Variants in TENM2 observed in about 807,000 individuals in gnomAD.
TENM2 encodes teneurin transmembrane protein 2.
In TENM2, 52 loss-of-function variants were observed where a neutral mutation model predicts 245.2. The observed-to-expected ratio is 0.21, with a 90% confidence interval of 0.17 to 0.27. TENM2 has a LOEUF of 0.27. TENM2 is among the 10% of genes least tolerant of loss of function. The pLI is 1.00. For missense variants in TENM2, 3,046 were observed against 3,666.8 expected (o/e 0.83, Z 4.37); for synonymous variants, 1,363 against 1,438.9 (o/e 0.95, Z 1.19).
chr5:167,635,631 G>GTTTTT (rs1561623173), intron 2 of TENM2, among the ~76,000 whole-genome samples: 4 of 90,972 alleles, frequency 4.4e-5, no homozygotes, highest in East Asian at 1.2e-3. Flanking sequence ...GATCAGTACA[G>GTTTTT]TCTTTTTTTT....
chr5:167,874,237 G>C (rs1166745359), intron 2 of TENM2, among the ~76,000 whole-genome samples: 2 of 152,146 alleles, frequency 1.3e-5, no homozygotes, highest in African/African-American at 2.4e-5. Flanking sequence ...ACATTTACCT[G>C]TCTGTCTCCC....
chr5:167,165,626 G>A, the TENM2 span, among the ~76,000 whole-genome samples: 2 of 152,032 alleles, frequency 1.3e-5, no homozygotes, highest in African/African-American at 4.8e-5. Context: ...ATCTTATTCT[G>A]ACCATAAAAG....
intron 3 of TENM2, among the ~76,000 whole-genome samples, chr5:167,906,759 C>T (rs1371898998): frequency 3.3e-5 from 5 of 152,106 alleles, no homozygotes; most frequent in African/African-American, 1.2e-4. Context: ...TTGTTTCTTA[C>T]TTCTCTTTTT....
At chr5:167,679,616 G>A (rs1756565688) in intron 2 of TENM2, among the ~76,000 whole-genome samples, 1 of 152,038 alleles carries the variant, frequency 6.6e-6, no homozygotes, top group Non-Finnish European at 1.5e-5. Flanking sequence ...TTTTAAAAAG[G>A]TAATTTAATA....
At chr5:168,223,745 G>A (rs767922807) in intron 23 of TENM2, among the ~76,000 whole-genome samples, 4 of 152,012 alleles carry the variant, frequency 2.6e-5, no homozygotes, top group Non-Finnish European at 4.4e-5. Flanking sequence ...GATTGATTAC[G>A]GGCACAAGCC....
chr5:167,799,729 G>A (rs1330192076), intron 2 of TENM2, among the ~76,000 whole-genome samples: 1 of 152,178 alleles, frequency 6.6e-6, no homozygotes, highest in Non-Finnish European at 1.5e-5. Flanking sequence ...AGAGTGGTAA[G>A]TTAGGTCTAA....
At chr5:168,009,493 C>G (rs972464161) in intron 5 of TENM2, among the ~76,000 whole-genome samples, 8 of 152,138 alleles carry the variant, frequency 5.3e-5, no homozygotes, top group African/African-American at 1.9e-4. Flanking sequence ...GGGAATGTGC[C>G]TTTGCCCTCC....
At chr5:167,341,584 T>C (rs1019828078) in intron 1 of TENM2, among the ~76,000 whole-genome samples, 1 of 152,178 alleles carries the variant, frequency 6.6e-6, no homozygotes, top group Non-Finnish European at 1.5e-5. Flanking sequence ...CATGACCATT[T>C]ATGAAGTACT....
At chr5:168,205,812 G>A (rs1581630592) in intron 19 of TENM2, among the ~76,000 whole-genome samples, 1 of 152,286 alleles carries the variant, frequency 6.6e-6, no homozygotes, top group East Asian at 1.9e-4. Flanking sequence ...AGGGAGTGGG[G>A]TGGAATTGAT....
At chr5:167,962,096 C>T (rs958555423) in intron 4 of TENM2, among the ~76,000 whole-genome samples, 14 of 152,262 alleles carry the variant, frequency 9.2e-5, no homozygotes, top group African/African-American at 2.2e-4. Flanking sequence ...AATGAAACCA[C>T]GCAGATCACT....
intron 2 of TENM2, among the ~76,000 whole-genome samples, chr5:167,687,985 T>C (rs1390914400): frequency 6.6e-6 from 1 of 152,222 alleles, no homozygotes; most frequent in Non-Finnish European, 1.5e-5. Context: ...AATAGCGGTA[T>C]TTATTAACAG....
intron 2 of TENM2, among the ~76,000 whole-genome samples, chr5:167,430,909 A>T (rs1764179569): frequency 6.6e-6 from 1 of 152,198 alleles, no homozygotes; most frequent in African/African-American, 2.4e-5. Flanking sequence ...AGAAATAGGT[A>T]ATCTACTGCT....
chr5:167,693,290 GTGTT>G (rs1236465056), intron 2 of TENM2, among the ~76,000 whole-genome samples: 1 of 152,266 alleles, frequency 6.6e-6, no homozygotes, highest in Non-Finnish European at 1.5e-5. Flanking sequence ...CTAGGCAAAA[GTGTT>G]TGGTTGGTCA....
chr5:167,779,625 GA>G (rs1489282983), intron 2 of TENM2, among the ~76,000 whole-genome samples: 3 of 152,146 alleles, frequency 2.0e-5, no homozygotes, highest in African/African-American at 7.2e-5. Context: ...CACTAACTTA[GA>G]ATCACATTAT....
chr5:167,159,723 G>A, the TENM2 span, among the ~76,000 whole-genome samples: 1 of 152,020 alleles, frequency 6.6e-6, no homozygotes. Context: ...TTAGGTTCTG[G>A]CCCCGCCCAC....
At chr5:167,609,396 A>G (rs1048203997) in intron 2 of TENM2, among the ~76,000 whole-genome samples, 6 of 148,516 alleles carry the variant, frequency 4.0e-5, no homozygotes, top group African/African-American at 1.5e-4. Context: ...CTGCTTCATA[A>G]CTCTGTTTCC....
intron 7 of TENM2, among the ~76,000 whole-genome samples, chr5:168,086,964 A>G (rs764882017): frequency 4.6e-5 from 7 of 152,094 alleles, no homozygotes; most frequent in Non-Finnish European, 8.8e-5. Flanking sequence ...CCTACACCAG[A>G]TGGCCTCCTT....
chr5:167,612,856 A>G (rs535976686), intron 2 of TENM2, among the ~76,000 whole-genome samples: 1 of 152,140 alleles, frequency 6.6e-6, no homozygotes, highest in Non-Finnish European at 1.5e-5. Context: ...CATTTGGAAA[A>G]TCTTCAAGAG....
chr5:167,588,438 T>C (rs951537773), intron 2 of TENM2, among the ~76,000 whole-genome samples: 1 of 152,234 alleles, frequency 6.6e-6, no homozygotes, highest in Non-Finnish European at 1.5e-5. Context: ...GGGTGTATTG[T>C]GTGAAATTCA....
Sources: gnomAD v4.1 joint callset for allele counts (sites outside exome capture counted in the v4.1 genomes callset) on GRCh38, gnomAD v4.1.1 for gene constraint, MANE v1.5 for transcripts, NCBI Gene and HGNC (gene_info 2026-07-23, HGNC 2026-07-21) for gene names.